The following DZANK1 variants were observed in gnomAD, a reference collection of about 807,000 sequenced individuals.
DZANK1 encodes the protein double zinc ribbon and ankyrin repeat domains 1.
Under a neutral mutation model 94.5 loss-of-function variants are expected in DZANK1, and 91 were observed. The ratio of observed to expected loss-of-function variants is 0.96; its 90% confidence interval spans 0.81 to 1.15. DZANK1 has a LOEUF of 1.15. Among genes scored for constraint, DZANK1 ranks in the 50% most tolerant of loss-of-function variants. The pLI is 0.00. For synonymous variants in DZANK1, 312 were observed against 325.3 expected (o/e 0.96, Z 0.44); for missense variants, 903 against 916.4 (o/e 0.99, Z 0.19).
At chr20:18,422,934 T>C (rs1419274305) in intron 10 of DZANK1, among the ~76,000 whole-genome samples, 1 of 152,048 alleles carries the variant, frequency 6.6e-6, no homozygotes, top group African/African-American at 2.4e-5. Flanking sequence ...AATCTGTAGA[T>C]CTCTCTTTAG....
At position 18,390,605 on chromosome 20, in the gene DZANK1, G is replaced by A; in HGVS notation, c.1810-146C>T. 4.3e-6 allele frequency: 3 copies of A among 694,706 alleles called. No homozygotes were observed. The South Asian group carries it at 5.3e-5, about 12-fold the overall frequency. 43.0% of individuals were successfully genotyped at this position (694,706 alleles called of 1,614,324 possible). On this transcript the variant is annotated intron_variant, in intron 17 of 20. Transcript: ENST00000262547. ...GTGAGTGTGTGAGTGGTCTTTAATA[G>A]CCCACAGCACAAATATCCACATCTA...
intron 13 of DZANK1, among the ~76,000 whole-genome samples, chr20:18,403,122 C>A (rs1248619975): frequency 6.6e-6 from 1 of 152,168 alleles, no homozygotes; most frequent in African/African-American, 2.4e-5. Context: ...GTCCCAATTG[C>A]CCTTTGCACA....
At chr20:18,425,550 C>CAA (rs1375707023) in intron 10 of DZANK1, among the ~76,000 whole-genome samples, 7 of 105,260 alleles carry the variant, frequency 6.7e-5, no homozygotes, top group East Asian at 2.7e-4. Flanking sequence ...GACTCCATCT[C>CAA]AAAAAAAAAA....
chr20:18,446,926 CA>C (rs904267378), intron 7 of DZANK1, among the ~76,000 whole-genome samples: 7 of 151,838 alleles, frequency 4.6e-5, no homozygotes, highest in Middle Eastern at 3.4e-3. Context: ...CAAATGCTGG[CA>C]AAAAAAATTC....
chr20:18,437,437 G>A (rs182543783), intron 8 of DZANK1, among the ~76,000 whole-genome samples: 31 of 152,116 alleles, frequency 2.0e-4, no homozygotes, highest in Non-Finnish European at 3.8e-4. Context: ...AAATTAGCTG[G>A]GCATGGTGGT....
At chr20:18,464,327 A>C (rs925948141) in intron 2 of DZANK1, among the ~76,000 whole-genome samples, 27 of 152,162 alleles carry the variant, frequency 1.8e-4, no homozygotes. Flanking sequence ...AAGTGCTGGG[A>C]TTACAGGCGT....
intron 10 of DZANK1, among the ~76,000 whole-genome samples, chr20:18,419,930 CTCT>C (rs2057697623): frequency 6.7e-6 from 1 of 149,468 alleles, no homozygotes; most frequent in South Asian, 2.1e-4. Flanking sequence ...TGGTTTTTTC[CTCT>C]TAATTCCCTT....
chr20:18,405,456 G>A (rs1473714096), intron 13 of DZANK1, among the ~76,000 whole-genome samples: 4 of 152,104 alleles, frequency 2.6e-5, no homozygotes, highest in Non-Finnish European at 5.9e-5. Flanking sequence ...GAGCCTAAGA[G>A]ACCCATTGGA....
Position 18,452,678 on chromosome 20 carries a change from ACT to A in DZANK1, c.478_479del (p.Pro161IlefsTer13), listed in dbSNP as rs1230290208. 1.2e-6 allele frequency: 2 copies of A among 1,607,672 alleles called. No individual in the cohort carries two copies. Among genetic ancestry groups the A allele is most frequent in the South Asian group, 1.1e-5 (1 of 89,316 alleles). On this transcript the variant is annotated frameshift_variant and splice_region_variant, in exon 6 of 21. Transcript: ENST00000262547. LOFTEE classifies it high-confidence loss of function. ...CACCATAAGCTGGGATTTCCAATGG[ACT>A]CTCTGAAAAGTGAAGATCTTTCAAA...
At position 18,427,986 on chromosome 20, in the gene DZANK1, T is replaced by TA. The variant is rs2058119554; in HGVS notation, c.862-828dup. Among the ~76,000 whole-genome samples, 4 of 151,246 alleles carry TA rather than the reference T, an allele frequency of 2.6e-5. No individual in the cohort carries two copies. The South Asian group carries it at 8.4e-4, about 32-fold the overall frequency. Reference sequence around the variant, plus strand: ...TAACACGGTGAAACCCCGTCTCTACTAAAAATACAAAAAAATTAGCCGAGT... The same window carrying TA: ...TAACACGGTGAAACCCCGTCTCTACTAAAAAATACAAAAAAATTAGCCGAGT... On this transcript the variant is annotated intron_variant, in intron 9 of 20. Coordinates refer to ENST00000262547, the Ensembl canonical transcript of DZANK1.
intron 15 of DZANK1, among the ~76,000 whole-genome samples, chr20:18,395,663 C>T (rs2056300344): frequency 6.6e-6 from 1 of 152,114 alleles, no homozygotes; most frequent in Non-Finnish European, 1.5e-5. Flanking sequence ...CCAGAGTTCC[C>T]CTTGGATCAG....
At position 18,441,885 on chromosome 20, in the gene DZANK1, T is replaced by C. The variant is rs115731599; in HGVS notation, c.747+1462A>G. Among the ~76,000 whole-genome samples the C allele has an allele frequency of 4.8e-3, 731 of 152,300 alleles. 10 individuals are homozygous for C. The highest frequency in any genetic ancestry group is 0.017 in the African/African-American group (686 of 41,540). Reference sequence around the variant, plus strand: ...TGCCAGTGGAACTGAGAAGCGTCCATGGGACAACACTGAAATTCACAGGGT... The same window carrying C: ...TGCCAGTGGAACTGAGAAGCGTCCACGGGACAACACTGAAATTCACAGGGT... On this transcript the variant is annotated intron_variant, in intron 8 of 20. Transcript: ENST00000262547. This position sits in a 1 kb window ranked among gnomAD's most constrained non-coding sequence, Gnocchi z 4.1.
chr20:18,389,839 C>T lies in DZANK1; in HGVS notation c.1891-11G>A, dbSNP rs538898015. Reference sequence around the variant, plus strand: ...GTTGGGGTCTGCTCCCTGCAGCAAACGGAAAAGGACAAACTCTCCAAAACA... The same window carrying T: ...GTTGGGGTCTGCTCCCTGCAGCAAATGGAAAAGGACAAACTCTCCAAAACA... On this transcript the variant is annotated splice_polypyrimidine_tract_variant and intron_variant, in intron 18 of 20. Coordinates refer to ENST00000262547, the Ensembl canonical transcript of DZANK1. 1.1e-5 allele frequency: 17 copies of T among 1,613,474 alleles called. No individual in the cohort carries two copies. The South Asian group carries it at 1.1e-4, about 10-fold the overall frequency.
exon 21 of DZANK1, chr20:18,384,260 T>C: frequency 5.0e-6 from 4 of 804,136 alleles, no homozygotes; most frequent in Non-Finnish European, 7.5e-6. Flanking sequence ...GGTTTCTCCA[T>C]GTTGGTCAGG....
chr20:18,455,849 G>GGGCTTCCATA lies in DZANK1; in HGVS notation c.264-489_264-488insTATGGAAGCC. ...GTTAGCTTGGGCTTCCTCACAGTAT[G>GGGCTTCCATA]GAAGCCTCAGGTAGTCAGACTTCCT... On this transcript the variant is annotated intron_variant, in intron 3 of 20. Transcript: ENST00000262547. Among the ~76,000 whole-genome samples, 3 of 152,264 alleles carry GGGCTTCCATA rather than the reference G, an allele frequency of 2.0e-5. No homozygotes were observed. In the South Asian group the frequency reaches 6.2e-4, roughly 32 times the overall value.
intron 3 of DZANK1, among the ~76,000 whole-genome samples, chr20:18,459,210 G>T (rs533127410): frequency 6.6e-6 from 1 of 152,186 alleles, no homozygotes; most frequent in African/African-American, 2.4e-5. Flanking sequence ...AAGTGGCCTG[G>T]CAAGTGTGAC....
exon 13 of DZANK1, chr20:18,412,720 A>G (rs766995132): frequency 1.2e-6 from 2 of 1,613,684 alleles, no homozygotes; most frequent in Non-Finnish European, 1.7e-6. Flanking sequence ...TTGAGAGGCT[A>G]GTTCCTGTTC....
intron 20 of DZANK1, 87 bp downstream of exon 20, chr20:18,384,915 GACAGCAGTTCAGGA>G (rs1165886505): frequency 1.6e-5 from 19 of 1,157,260 alleles, no homozygotes; most frequent in Non-Finnish European, 2.2e-5. Flanking sequence ...CATGGACAGG[GACAGCAGTTCAGGA>G]ACCAAGGCCC....
intron 13 of DZANK1, among the ~76,000 whole-genome samples, chr20:18,403,629 T>A (rs2056070747): frequency 6.6e-6 from 1 of 151,910 alleles, no homozygotes. Context: ...ATCAGAGAAA[T>A]AAACAGCTAA....
Sources: allele counts gnomAD v4.1 joint callset (sites outside exome capture counted in the v4.1 genomes callset), GRCh38; gene constraint gnomAD v4.1.1; non-coding constraint Gnocchi (gnomAD v3.1); transcripts MANE v1.5; gene names NCBI Gene and HGNC (gene_info 2026-07-23, HGNC 2026-07-21).